The following TNIK variants were observed in gnomAD, a reference collection of about 807,000 sequenced individuals.
The protein encoded by TNIK is TRAF2 and NCK interacting kinase, also known as TRAF2 and NCK-interacting protein kinase.
Under a neutral mutation model 191.3 loss-of-function variants are expected in TNIK, and 49 were observed. The observed-to-expected ratio is 0.26, with a 90% CI of 0.20 to 0.32. TNIK has a LOEUF of 0.32. Ranked by LOEUF, TNIK falls within the 10% of genes least tolerant of loss-of-function variation. The pLI is 1.00. For synonymous variants in TNIK, 594 were observed against 600.9 expected, an observed-to-expected ratio of 0.99 and a Z score of 0.17; for missense variants, 1,155 against 1,702.3, an observed-to-expected ratio of 0.68 and a Z score of 5.66.
rs753395691 is a variant in TNIK, at chr3:171,109,754, C to T, written c.2284+960G>A. ...TTCAGAAGGAGTGAATTTTAACTAG[C>T]TAGAAACAATGTATTATTATGTATC... is the stretch of plus-strand genomic sequence containing the variant. On this transcript the variant is annotated intron_variant, in intron 19 of 32. Transcript: ENST00000436636. Among the ~76,000 whole-genome samples the T allele has an allele frequency of 3.8e-4, 58 of 152,134 alleles. 1 individual carries two copies. Among genetic ancestry groups the T allele is most frequent in the Admixed American group, 2.3e-3 (35 of 15,280 alleles).
At chr3:171,172,259 A>G (rs754558672) in intron 9 of TNIK, among the ~76,000 whole-genome samples, 1 of 152,236 alleles carries the variant, frequency 6.6e-6, no homozygotes, top group Non-Finnish European at 1.5e-5. Flanking sequence ...CCCTGTCTCA[A>G]CAATGGCGCC....
intron 1 of TNIK, among the ~76,000 whole-genome samples, chr3:171,372,477 T>C (rs1716639091): frequency 6.6e-6 from 1 of 152,196 alleles, no homozygotes. Context: ...AAGGAAGAAC[T>C]GGACTGAGCC....
intron 1 of TNIK, among the ~76,000 whole-genome samples, chr3:171,418,967 G>A (rs1257718667): frequency 6.6e-6 from 1 of 152,074 alleles, no homozygotes; most frequent in Non-Finnish European, 1.5e-5. Flanking sequence ...TCTCTTTCTG[G>A]CTTGCAAATG....
chr3:171,124,307 C>T (rs1728177990), intron 17 of TNIK, among the ~76,000 whole-genome samples: 1 of 152,132 alleles, frequency 6.6e-6, no homozygotes, highest in South Asian at 2.1e-4. Flanking sequence ...AGCACTGTGT[C>T]TTGGTCAATT....
At chr3:171,143,030 G>A (rs1731062187) in intron 12 of TNIK, among the ~76,000 whole-genome samples, 1 of 152,188 alleles carries the variant, frequency 6.6e-6, no homozygotes, top group Non-Finnish European at 1.5e-5. Context: ...ATACAGTATT[G>A]ATTGCAACTC....
chr3:171,161,138 A>G (rs1291299669), intron 11 of TNIK, 132 bp downstream of exon 11: 3 of 807,618 alleles, frequency 3.7e-6, no homozygotes, highest in African/African-American at 1.7e-5. Context: ...GAGTATGTTC[A>G]TGGGCAATAA....
At chr3:171,316,398 G>C (rs1387952713) in intron 2 of TNIK, among the ~76,000 whole-genome samples, 1 of 152,130 alleles carries the variant, frequency 6.6e-6, no homozygotes, top group Admixed American at 6.6e-5. Flanking sequence ...GGATATAGAA[G>C]GTTTCATGAA....
chr3:171,397,829 T>C (rs1042962845), intron 1 of TNIK, among the ~76,000 whole-genome samples: 1 of 152,218 alleles, frequency 6.6e-6, no homozygotes, highest in Non-Finnish European at 1.5e-5. Context: ...TAATACAACA[T>C]ACACGCTTTT....
intron 1 of TNIK, among the ~76,000 whole-genome samples, chr3:171,415,998 G>GAAAAAAA (rs58082222): frequency 1.2e-5 from 1 of 86,674 alleles, no homozygotes; most frequent in Non-Finnish European, 2.1e-5. Flanking sequence ...AAAAAAAAAA[G>GAAAAAAA]AAAGAAAAAG....
At chr3:171,241,319 T>C (rs1290721984) in intron 2 of TNIK, among the ~76,000 whole-genome samples, 1 of 152,188 alleles carries the variant, frequency 6.6e-6, no homozygotes, top group Admixed American at 6.5e-5. Context: ...ACTTCTGTTC[T>C]CTTTTTAAAA....
In TNIK at chr3:171,126,117, G is replaced by A; in HGVS notation, c.1808C>T (p.Pro603Leu). 1 of 1,564,898 alleles carries A rather than the reference G, an allele frequency of 6.4e-7. No individual in the cohort carries two copies. The stretch of plus-strand genomic sequence containing the variant: ...CACTGACTGGGAGGCGGTCAAGGCA[G>A]GTCCCTGGGATTTTACAGCTACCAG... ...PHLVAVKSQG[P>L]ALTASQSVHE... Residue 603 changes from proline to leucine, a missense_variant, in exon 17 of 33, where the codon CCT (proline) becomes CTT (leucine). This residue lies in a region of TNIK where 735 missense variants were observed against 848.0 expected (regional missense o/e 0.87). Coordinates refer to ENST00000436636, the MANE Select transcript of TNIK (RefSeq NM_015028.4).
intron 6 of TNIK, among the ~76,000 whole-genome samples, chr3:171,189,833 T>C (rs969130816): frequency 1.3e-5 from 2 of 152,186 alleles, no homozygotes; most frequent in Non-Finnish European, 2.9e-5. Flanking sequence ...TTAGCCTACA[T>C]AATGTATACT....
At chr3:171,369,735 T>A (rs1716236027) in intron 1 of TNIK, 50 bp from the exon 2 acceptor site, 4 of 1,455,694 alleles carry the variant, frequency 2.7e-6, no homozygotes, top group Non-Finnish European at 3.8e-6. Context: ...ATTCCAGGCA[T>A]TGCCTTAATC....
chr3:171,449,279 T>C (rs1468667080), intron 1 of TNIK, among the ~76,000 whole-genome samples: 3 of 152,110 alleles, frequency 2.0e-5, no homozygotes, highest in Non-Finnish European at 2.9e-5. Flanking sequence ...GTAATGGGAT[T>C]GTTGGGTCAA....
At chr3:171,151,601 T>C (rs1732441321) in intron 12 of TNIK, among the ~76,000 whole-genome samples, 1 of 152,200 alleles carries the variant, frequency 6.6e-6, no homozygotes, top group Admixed American at 6.5e-5. Flanking sequence ...ATGAGGAAAC[T>C]GTAAAACAGG....
chr3:171,335,552 T>C (rs1756873771), intron 2 of TNIK, among the ~76,000 whole-genome samples: 2 of 152,350 alleles, frequency 1.3e-5, no homozygotes, highest in Admixed American at 1.3e-4. Flanking sequence ...TTCTTTCACT[T>C]AGCATAACAA....
intron 12 of TNIK, among the ~76,000 whole-genome samples, chr3:171,156,445 T>A (rs1733185307): frequency 6.6e-6 from 1 of 152,232 alleles, no homozygotes. Context: ...AGCCCGTTAA[T>A]GAGAAGCAAG....
At chr3:171,382,218 CTTT>C (rs63626462) in intron 1 of TNIK, among the ~76,000 whole-genome samples, 51 of 99,158 alleles carry the variant, frequency 5.1e-4, no homozygotes, top group African/African-American at 1.9e-3. Flanking sequence ...TTGAATACAT[CTTT>C]TTTTTTTTTT....
chr3:171,225,142 G>A lies in TNIK; in HGVS notation c.180+3023C>T, dbSNP rs117463365. ...TTTTTTAACAGAGCAACCATAATGA[G>A]TACAATTATAATAATTGGTAAGAAG... On this transcript the variant is annotated intron_variant, in intron 3 of 32. Transcript: ENST00000436636. Among the ~76,000 whole-genome samples the A allele has an allele frequency of 1.1e-3, 162 of 152,206 alleles. 4 individuals carry two copies. In the East Asian group the frequency reaches 0.023, roughly 21 times the overall value.
Sources: allele counts gnomAD v4.1 joint callset (sites outside exome capture counted in the v4.1 genomes callset), GRCh38; gene constraint gnomAD v4.1.1; regional missense constraint gnomAD v4.1.1; transcripts MANE v1.5; gene names NCBI Gene and HGNC (gene_info 2026-07-23, HGNC 2026-07-21).